BAHD1: variants seen among roughly 807,000 people sequenced by gnomAD.
BAHD1 encodes the protein bromo adjacent homology domain containing 1, also known as bromo adjacent homology domain-containing 1 protein.
In BAHD1, 20 loss-of-function variants were observed where a neutral mutation model predicts 63.1. That is an observed-to-expected ratio of 0.32 (90% CI 0.22 to 0.46). The LOEUF (loss-of-function observed/expected upper bound fraction) is 0.46, where lower values mean the gene tolerates loss of function less well. BAHD1 is among the 20% of genes least tolerant of loss of function. The pLI, the probability that BAHD1 is intolerant of heterozygous loss-of-function variation, is 1.00. For missense variants in BAHD1, 939 were observed against 1,071.8 expected, an observed-to-expected ratio of 0.88 and a Z score of 1.73; for synonymous variants, 408 against 426.8, an observed-to-expected ratio of 0.96 and a Z score of 0.54.
In BAHD1 at chr15:40,447,559, A is replaced by AGAAT. The variant is rs1389100396; in HGVS notation, c.-15+6292_-15+6295dup. ...GGCGACAGAGCAAGACTCTGTCTCC[A>AGAAT]GAATAAATAAATAAATAAATAAATA... On this transcript the variant is annotated intron_variant, in intron 1 of 6. Coordinates refer to ENST00000416165, the MANE Select transcript of BAHD1 (RefSeq NM_014952.5). Among the ~76,000 whole-genome samples, 10 of 135,444 alleles carry AGAAT rather than the reference A, an allele frequency of 7.4e-5. No individual in the cohort carries two copies. In the East Asian group the frequency reaches 1.4e-3, roughly 20 times the overall value. 88.9% of individuals were successfully genotyped at this position (135,444 alleles called of 152,430 possible). A position where few individuals can be genotyped will look rare whatever the true frequency, so the allele number is the denominator to read the frequency against.
intron 5 of BAHD1, chr15:40,464,964 G>A: frequency 2.7e-6 from 1 of 374,660 alleles, no homozygotes; most frequent in African/African-American, 2.0e-5. Flanking sequence ...TGCTAAAAGA[G>A]GTGACTGCCA....
intron 2 of BAHD1, among the ~76,000 whole-genome samples, chr15:40,460,166 A>T (rs1359346509): frequency 6.6e-6 from 1 of 152,208 alleles, no homozygotes; most frequent in Non-Finnish European, 1.5e-5. Flanking sequence ...TTGCAGTGGT[A>T]CAGGCCACAG....
Position 40,462,183 on chromosome 15 carries a change from C to A in BAHD1, c.1704C>A (p.Ser568Arg). The A allele has an allele frequency of 6.2e-7, 1 of 1,612,374 alleles. No individual in the cohort carries two copies. The highest frequency in any genetic ancestry group is 8.5e-7 in the Non-Finnish European group (1 of 1,179,920). Reference sequence around the variant, plus strand: ...GGAGCAAGGCTGCCCGCAGGCCTAGCCACCCCAAGCAGCCACGTGTCCAGC... The same window carrying A: ...GGAGCAAGGCTGCCCGCAGGCCTAGACACCCCAAGCAGCCACGTGTCCAGC... ...TARSKAARRP[S>R]HPKQPRVQRP... The change falls in exon 3 of 7, where the codon AGC (serine) becomes AGA (arginine). Residue 568 changes from serine to arginine, a missense_variant. By Grantham distance (110) the Ser-to-Arg change is moderately radical. Around this residue, in one of 5 missense-constraint regions of BAHD1, gnomAD observed 797 missense variants for 813.3 expected, o/e 0.98. Coordinates refer to ENST00000416165, the MANE Select transcript of BAHD1 (RefSeq NM_014952.5).
intron 1 of BAHD1, among the ~76,000 whole-genome samples, chr15:40,445,496 C>T (rs976019379): frequency 5.9e-5 from 9 of 152,086 alleles, no homozygotes; most frequent in Non-Finnish European, 1.2e-4. Flanking sequence ...GTTCTTATTC[C>T]TCTTGGCCTT....
intron 1 of BAHD1, among the ~76,000 whole-genome samples, chr15:40,448,399 A>G (rs1023682524): frequency 2.0e-5 from 3 of 152,160 alleles, no homozygotes; most frequent in African/African-American, 7.2e-5. Context: ...GAAAAATAAA[A>G]CTGAACGTGC....
rs2141541472 is a variant in BAHD1, at chr15:40,462,179, C to T, written c.1700C>T (p.Pro567Leu). 6.2e-7 allele frequency: 1 copy of T among 1,612,386 alleles called. No homozygotes were observed. Among genetic ancestry groups the T allele is most frequent in the Non-Finnish European group, 8.5e-7 (1 of 1,179,940 alleles). ...HTARSKAARR[P>L]SHPKQPRVQR... ...GCAAGGAGCAAGGCTGCCCGCAGGCCTAGCCACCCCAAGCAGCCACGTGTC... is the reference window on the plus strand; with the variant it reads ...GCAAGGAGCAAGGCTGCCCGCAGGCTTAGCCACCCCAAGCAGCCACGTGTC... The change falls in exon 3 of 7, where the codon CCT becomes CTT. Residue 567 changes from proline to leucine, a missense_variant. By Grantham distance (98) the Pro-to-Leu change is moderately conservative. Around this residue, in one of 5 missense-constraint regions of BAHD1, gnomAD observed 797 missense variants for 813.3 expected, o/e 0.98. Coordinates refer to ENST00000416165, the MANE Select transcript of BAHD1 (RefSeq NM_014952.5).
chr15:40,451,788 G>A (rs937133520), intron 1 of BAHD1, among the ~76,000 whole-genome samples: 4 of 152,256 alleles, frequency 2.6e-5, no homozygotes, highest in Non-Finnish European at 4.4e-5. Context: ...AGCTGGGCTA[G>A]CACCTGTGGA....
rs763496269 is a variant in BAHD1 at position 40,462,219 on chromosome 15, TCGCCGCCGC to T, written c.1743_1751del (p.Arg585_Arg587del). ...AGCCACGTGTCCAGCGCCCACGCCCTCGCCGCCGCCGTCGCCGCCGCACTAATGGCTGGG... is the reference window on the plus strand; with the variant it reads ...AGCCACGTGTCCAGCGCCCACGCCCTCGTCGCCGCCGCACTAATGGCTGGG... On this transcript the variant is annotated inframe_deletion, in exon 3 of 7. Transcript: ENST00000416165. 3.7e-6 allele frequency: 6 copies of T among 1,611,458 alleles called. No individual in the cohort carries two copies. Among genetic ancestry groups the T allele is most frequent in the African/African-American group, 2.7e-5 (2 of 74,842 alleles).
In BAHD1 at chr15:40,458,786, G is replaced by T. The variant is rs2141522871; in HGVS notation, c.322G>T (p.Asp108Tyr). 8.1e-6 allele frequency: 13 copies of T among 1,613,084 alleles called. No individual in the cohort carries two copies. Among genetic ancestry groups the T allele is most frequent in the Non-Finnish European group, 1.1e-5 (13 of 1,179,996 alleles). ...CCCCAGCCCGGCCCCATCCAGTGAA[G>T]ACCCTGGCCTTGCCCAGCCCCGCAA... ...KPPSPAPSSE[D>Y]PGLAQPRKRR... Residue 108 changes from aspartate to tyrosine, a missense_variant, in exon 2 of 7, where the codon GAC becomes TAC. By Grantham distance (160) the Asp-to-Tyr change is radical (BLOSUM62 -3). Transcript: ENST00000416165. This position sits in a 1 kb window ranked among gnomAD's most constrained non-coding sequence, Gnocchi z 4.7.
At chr15:40,464,146 C>A in intron 4 of BAHD1, 126 bp downstream of exon 4, 1 of 1,171,488 alleles carries the variant, frequency 8.5e-7, no homozygotes, top group Non-Finnish European at 1.2e-6. Context: ...ACAGAGTCTG[C>A]CTTCCACTCG....
rs1893946928 is a variant in BAHD1, at chr15:40,459,158, G to A, written c.694G>A (p.Val232Ile). 5.6e-6 allele frequency: 9 copies of A among 1,613,218 alleles called. No homozygotes were observed. The highest frequency in any genetic ancestry group is 2.2e-5 in the East Asian group (1 of 44,874). Residue 232 changes from valine to isoleucine, a missense_variant, in exon 2 of 7, where the codon GTA becomes ATA. Transcript: ENST00000416165. ...PLRLPRAHAE[V>I]DGRSTEPPAP... is the part of the protein sequence containing the mutation. ...GCGGCTGCCTCGTGCCCATGCAGAAGTAGATGGGCGCTCCACTGAGCCCCC... is the reference window on the plus strand; with the variant it reads ...GCGGCTGCCTCGTGCCCATGCAGAAATAGATGGGCGCTCCACTGAGCCCCC...
chr15:40,465,475 C>T lies in BAHD1; in HGVS notation c.2153+40C>T, dbSNP rs574175144. ...GCACCCTCTGGCTGGCCTCTTCCCTCAGGCTCCCCAGGCATATTTGGGGCT... is the reference window on the plus strand; with the variant it reads ...GCACCCTCTGGCTGGCCTCTTCCCTTAGGCTCCCCAGGCATATTTGGGGCT... On this transcript the variant is annotated intron_variant, in intron 6 of 6. Coordinates refer to ENST00000416165, the MANE Select transcript of BAHD1 (RefSeq NM_014952.5). The T allele has an allele frequency of 2.2e-5, 33 of 1,472,070 alleles. No homozygotes were observed. In the South Asian group the frequency reaches 3.5e-4, roughly 16 times the overall value. The allele number at this position is 1,472,070 out of a possible 1,614,324, so 91.2% of individuals were successfully genotyped here. A position where few individuals can be genotyped will look rare whatever the true frequency, so the allele number is the denominator to read the frequency against.
At position 40,459,719 on chromosome 15, in the gene BAHD1, C is replaced by A; in HGVS notation, c.1255C>A (p.Pro419Thr). 1.2e-6 allele frequency: 2 copies of A among 1,614,000 alleles called. No individual in the cohort carries two copies. Among genetic ancestry groups the A allele is most frequent in the South Asian group, 2.2e-5 (2 of 91,066 alleles). ...TCACGAGGAGGGGCTCCTCTTAGCTCCGAGCTCAGTGCCCTCAGGCACCCC... is the reference window on the plus strand; with the variant it reads ...TCACGAGGAGGGGCTCCTCTTAGCTACGAGCTCAGTGCCCTCAGGCACCCC... ...APHEEGLLLAPSSVPSGTPFQ... is the reference protein window; with the variant it reads ...APHEEGLLLATSSVPSGTPFQ... Residue 419 changes from proline to threonine, a missense_variant, in exon 2 of 7, where the codon CCG (proline) becomes ACG (threonine). This residue lies in a region of BAHD1 where 797 missense variants were observed against 813.3 expected (regional missense o/e 0.98). Coordinates refer to ENST00000416165, the MANE Select transcript of BAHD1 (RefSeq NM_014952.5).
intron 1 of BAHD1, among the ~76,000 whole-genome samples, chr15:40,452,543 C>T (rs1260411822): frequency 6.7e-6 from 1 of 149,508 alleles, no homozygotes; most frequent in Non-Finnish European, 1.5e-5. Flanking sequence ...CCCTCTTGCT[C>T]AGTTGTGGCC....
At chr15:40,444,378 C>G (rs1893479551) in intron 1 of BAHD1, among the ~76,000 whole-genome samples, 1 of 152,126 alleles carries the variant, frequency 6.6e-6, no homozygotes, top group Admixed American at 6.5e-5. Context: ...GTGAAGAGTC[C>G]TATGGATTGC....
At chr15:40,440,843 AGCCAGCGCAGGGCGGG>A (rs1012374429), upstream of BAHD1, among the ~76,000 whole-genome samples, 1 of 151,812 alleles carries the variant, frequency 6.6e-6, no homozygotes, top group Non-Finnish European at 1.5e-5. Flanking sequence ...TGGCTGGCGG[AGCCAGCGCAGGGCGGG>A]GCGGCTGATT....
chr15:40,445,418 A>G (rs1893513840), intron 1 of BAHD1, among the ~76,000 whole-genome samples: 1 of 152,190 alleles, frequency 6.6e-6, no homozygotes, highest in Non-Finnish European at 1.5e-5. Flanking sequence ...AATTCTCAAA[A>G]TTATTTTCAT....
rs762457138 is a variant in BAHD1, at chr15:40,465,364, A to C, written c.2082A>C (p.Arg694=). ...TGCAGAATGAAGTGTTTGCATCGCG[A>C]CATCAGGACCAGAACAGTGTGGCCT... ...EPLQNEVFAS[R]HQDQNSVACI... Residue 694 remains arginine, a synonymous_variant, in exon 6 of 7, where the codon CGA becomes CGC. Coordinates refer to ENST00000416165, the MANE Select transcript of BAHD1 (RefSeq NM_014952.5). The C allele has an allele frequency of 1.9e-6, 3 of 1,614,168 alleles. No individual in the cohort carries two copies. Among genetic ancestry groups the C allele is most frequent in the Non-Finnish European group, 2.5e-6 (3 of 1,180,020 alleles).
intron 1 of BAHD1, among the ~76,000 whole-genome samples, chr15:40,442,649 C>A (rs1030723434): frequency 1.3e-5 from 2 of 152,168 alleles, no homozygotes; most frequent in East Asian, 3.9e-4. Context: ...AGAGACACCC[C>A]ACCCCGTGGG....
Sources: allele counts gnomAD v4.1 joint callset (sites outside exome capture counted in the v4.1 genomes callset), GRCh38; gene constraint gnomAD v4.1.1; regional missense constraint gnomAD v4.1.1; non-coding constraint Gnocchi (gnomAD v3.1); transcripts MANE v1.5; gene names NCBI Gene and HGNC (gene_info 2026-07-23, HGNC 2026-07-21).